CAMTA1: variants seen among roughly 807,000 people sequenced by gnomAD.
The protein encoded by CAMTA1 is calmodulin binding transcription activator 1, also known as calmodulin-binding transcription activator 1.
CAMTA1 carries 27 observed loss-of-function variants against 170.9 expected under a neutral mutation model. That is an observed-to-expected ratio of 0.16 (90% CI 0.12 to 0.22). The LOEUF is 0.22. Ranked by LOEUF, CAMTA1 falls within the 10% of genes least tolerant of loss-of-function variation. CAMTA1 has a pLI of 1.00. For missense variants in CAMTA1, 1,619 were observed against 2,217.2 expected (o/e 0.73, Z 5.42); for synonymous variants, 833 against 891.5 (o/e 0.93, Z 1.17).
chr1:7,019,822 C>T (rs1421984446), intron 3 of CAMTA1, among the ~76,000 whole-genome samples: 1 of 152,262 alleles, frequency 6.6e-6, no homozygotes, highest in Non-Finnish European at 1.5e-5. Flanking sequence ...GTGCCTGCCA[C>T]AGCCCCGCCC....
intron 20 of CAMTA1, 89 bp from the exon 21 acceptor site, chr1:7,752,370 A>T: frequency 9.1e-7 from 1 of 1,102,814 alleles, no homozygotes; most frequent in Non-Finnish European, 1.4e-6. Flanking sequence ...CGAACTGCTT[A>T]ATTCAGAGTC....
At chr1:6,830,238 G>A (rs554645770) in intron 3 of CAMTA1, among the ~76,000 whole-genome samples, 1 of 151,414 alleles carries the variant, frequency 6.6e-6, no homozygotes, top group South Asian at 2.1e-4. Flanking sequence ...GAGTTTCACC[G>A]TGTTAGCCAG....
intron 3 of CAMTA1, among the ~76,000 whole-genome samples, chr1:6,899,364 G>A (rs993861619): frequency 6.6e-6 from 1 of 152,302 alleles, no homozygotes; most frequent in Middle Eastern, 3.4e-3. Context: ...TTGAAAGCTT[G>A]CCAAATATAT....
At chr1:7,225,581 A>T (rs1175876869) in intron 4 of CAMTA1, among the ~76,000 whole-genome samples, 2 of 152,202 alleles carry the variant, frequency 1.3e-5, no homozygotes, top group African/African-American at 4.8e-5. Context: ...TCAACAACCC[A>T]TCAAGAGTGG....
chr1:7,709,329 A>G (rs1003070724), intron 11 of CAMTA1, among the ~76,000 whole-genome samples: 1 of 152,316 alleles, frequency 6.6e-6, no homozygotes, highest in African/African-American at 2.4e-5. Context: ...GATGCTACTC[A>G]TTAGATAGGG....
intron 3 of CAMTA1, among the ~76,000 whole-genome samples, chr1:7,076,085 C>T (rs1182222201): frequency 6.6e-6 from 1 of 152,142 alleles, no homozygotes; most frequent in Non-Finnish European, 1.5e-5. Context: ...CCCAGATCTC[C>T]AGGGAATTAG....
intron 4 of CAMTA1, among the ~76,000 whole-genome samples, chr1:7,215,506 A>G (rs1573952283): frequency 6.6e-6 from 1 of 151,994 alleles, no homozygotes; most frequent in South Asian, 2.1e-4. Context: ...CGATTTTCCC[A>G]CCTCAGCCTC....
rs1295902397 is a variant in CAMTA1 at position 7,547,519 on chromosome 1, C to A, written c.510+79618C>A. 1.3e-5 allele frequency among the ~76,000 whole-genome samples: 2 copies of A among 152,036 alleles called. No homozygotes were observed. The highest frequency in any genetic ancestry group is 2.9e-5 in the Non-Finnish European group (2 of 67,996). ...TCTTATGATTATTCCCTAAATAAAACAGTATAAGAAATATTTACATAGCAT... is the reference window on the plus strand; with the variant it reads ...TCTTATGATTATTCCCTAAATAAAAAAGTATAAGAAATATTTACATAGCAT... On this transcript the variant is annotated intron_variant, in intron 6 of 22. Transcript: ENST00000303635. This position sits in a 1 kb window ranked among gnomAD's most constrained non-coding sequence, Gnocchi z 5.7.
rs1306639969 is a variant in CAMTA1 at position 7,635,999 on chromosome 1, A to G, written c.511-4401A>G. On this transcript the variant is annotated intron_variant, in intron 6 of 22. Transcript: ENST00000303635. The surrounding 1 kb of genome is among the most constrained non-coding windows in gnomAD (Gnocchi z 4.4). ...TGGGCATTCCAGGTGCAAGAGCTCC[A>G]GGCCCTGGGATGGAAACCGGGAAGC... 6.6e-6 allele frequency among the ~76,000 whole-genome samples: 1 copy of G among 152,320 alleles called. No individual in the cohort carries two copies. Among genetic ancestry groups the G allele is most frequent in the African/African-American group, 2.4e-5 (1 of 41,576 alleles).
chr1:7,503,719 G>A (rs2094049239), intron 6 of CAMTA1, among the ~76,000 whole-genome samples: 1 of 152,202 alleles, frequency 6.6e-6, no homozygotes, highest in Admixed American at 6.5e-5. Context: ...AGCTCAGCTC[G>A]ATTCTTAGAT....
At chr1:7,567,736 G>C (rs187258723) in intron 6 of CAMTA1, among the ~76,000 whole-genome samples, 2,065 of 152,262 alleles carry the variant, frequency 0.014, 25 homozygotes, top group Middle Eastern at 0.054. Context: ...AAGATGCTGG[G>C]GTGATTCAGA....
intron 6 of CAMTA1, among the ~76,000 whole-genome samples, chr1:7,498,191 A>AGTGTTG (rs1553182529): frequency 7.1e-4 from 106 of 148,628 alleles, no homozygotes; most frequent in East Asian, 6.6e-3. Context: ...TATGAGAGTG[A>AGTGTTG]GTGTGTGTGT....
chr1:7,730,229 A>G (rs1255854104), intron 11 of CAMTA1, among the ~76,000 whole-genome samples: 1 of 152,212 alleles, frequency 6.6e-6, no homozygotes, highest in Non-Finnish European at 1.5e-5. Context: ...CAGCTTTTAT[A>G]TGGCAGAGCC....
rs867569742 is a variant in CAMTA1 at position 7,300,226 on chromosome 1, T to G, written c.438+50600T>G. Among the ~76,000 whole-genome samples, 1 of 152,194 alleles carries G rather than the reference T, an allele frequency of 6.6e-6. No homozygotes were observed. The highest frequency in any genetic ancestry group is 2.1e-4 in the South Asian group (1 of 4,830). ...GGGACTCACTCAGAAAACATGATTT[T>G]CCTTCCTCCAAGGGTCTCCCCTAGA... On this transcript the variant is annotated intron_variant, in intron 5 of 22. Coordinates refer to ENST00000303635, the MANE Select transcript of CAMTA1 (RefSeq NM_015215.4). This position sits in a 1 kb window ranked among gnomAD's most constrained non-coding sequence, Gnocchi z 4.1.
At position 7,310,636 on chromosome 1, in the gene CAMTA1, C is replaced by CT. The variant is rs1169681170; in HGVS notation, c.438+61013dup. 1.0e-3 allele frequency among the ~76,000 whole-genome samples: 29 copies of CT among 28,294 alleles called. 1 individual carries two copies. Among genetic ancestry groups the CT allele is most frequent in the African/African-American group, 4.2e-3 (29 of 6,846 alleles). 18.6% of individuals were successfully genotyped at this position (28,294 alleles called of 152,430 possible). ...TCTTTCTTTCTTTCTTTCTTTCTTT[C>CT]TTTCTTTCTTTTTTCTTTCTTTCTT... is the stretch of plus-strand genomic sequence containing the variant. On this transcript the variant is annotated intron_variant, in intron 5 of 22. Transcript: ENST00000303635.
At chr1:7,156,902 A>C (rs1174463199) in intron 4 of CAMTA1, among the ~76,000 whole-genome samples, 1 of 152,082 alleles carries the variant, frequency 6.6e-6, no homozygotes, top group African/African-American at 2.4e-5. Flanking sequence ...TACTGTCACC[A>C]GTGGGTTATA....
intron 6 of CAMTA1, among the ~76,000 whole-genome samples, chr1:7,638,825 G>A (rs1433914821): frequency 6.6e-6 from 1 of 152,208 alleles, no homozygotes; most frequent in East Asian, 1.9e-4. Flanking sequence ...GAAAGCCACC[G>A]AAGGCCCCAT....
At chr1:7,166,823 T>A (rs562216637) in intron 4 of CAMTA1, among the ~76,000 whole-genome samples, 8 of 151,194 alleles carry the variant, frequency 5.3e-5, no homozygotes, top group East Asian at 3.9e-4. Flanking sequence ...TTTTTTTTTT[T>A]AAATTGAGAT....
chr1:7,000,859 T>A (rs1412298533), intron 3 of CAMTA1, among the ~76,000 whole-genome samples: 4 of 152,190 alleles, frequency 2.6e-5, no homozygotes, highest in Non-Finnish European at 5.9e-5. Context: ...ACAGACATGT[T>A]TTTATAGAAT....
Sources: gnomAD v4.1 joint callset for allele counts (sites outside exome capture counted in the v4.1 genomes callset) on GRCh38, gnomAD v4.1.1 for gene constraint, Gnocchi (gnomAD v3.1) non-coding constraint, MANE v1.5 for transcripts, NCBI Gene and HGNC (gene_info 2026-07-23, HGNC 2026-07-21) for gene names.